BLOC1S6: variants seen among roughly 807,000 people sequenced by gnomAD.
BLOC1S6 encodes biogenesis of lysosome-related organelles complex 1 subunit 6.
In BLOC1S6, 24 loss-of-function variants were observed where a neutral mutation model predicts 24.7. The observed-to-expected ratio is 0.97, with a 90% CI of 0.70 to 1.37. The LOEUF is 1.37. Among genes scored for constraint, BLOC1S6 ranks in the 40% most tolerant of loss-of-function variants. The pLI is 0.00. For missense variants in BLOC1S6, 175 were observed against 196.2 expected, an observed-to-expected ratio of 0.89 and a Z score of 0.64; for synonymous variants, 76 against 72.6, an observed-to-expected ratio of 1.05 and a Z score of -0.23.
chr15:45,606,281 A>C lies in BLOC1S6; in HGVS notation c.400-114A>C, dbSNP rs1273518556. Reference sequence around the variant, plus strand: ...ATCCCAAATTTAAATGTCCAAGATGAAGTTTATTAGTGTGAATGAATTACC... The same window carrying C: ...ATCCCAAATTTAAATGTCCAAGATGCAGTTTATTAGTGTGAATGAATTACC... On this transcript the variant is annotated intron_variant, in intron 4 of 4. Coordinates refer to ENST00000220531, the MANE Select transcript of BLOC1S6 (RefSeq NM_012388.4). 4.3e-6 allele frequency: 6 copies of C among 1,399,922 alleles called. No homozygotes were observed. The East Asian group carries it at 1.4e-4, about 32-fold the overall frequency. 86.7% of individuals were successfully genotyped at this position (1,399,922 alleles called of 1,614,324 possible).
At chr15:45,604,193 A>T (rs1216370100) in intron 3 of BLOC1S6, among the ~76,000 whole-genome samples, 2 of 152,096 alleles carry the variant, frequency 1.3e-5, no homozygotes, top group Admixed American at 1.3e-4. Context: ...ACGTAGCAAG[A>T]CCCCATCTCT....
chr15:45,595,729 C>T (rs1178606873), intron 2 of BLOC1S6, among the ~76,000 whole-genome samples: 3 of 152,130 alleles, frequency 2.0e-5, no homozygotes, highest in African/African-American at 7.2e-5. Flanking sequence ...CCAAGGTCAC[C>T]TAGATTTTCT....
intron 3 of BLOC1S6, among the ~76,000 whole-genome samples, chr15:45,603,620 G>T (rs1894344193): frequency 6.6e-6 from 1 of 152,262 alleles, no homozygotes; most frequent in East Asian, 1.9e-4. Context: ...AAACTGAGGT[G>T]GAAGGATTGC....
chr15:45,603,167 A>G lies in BLOC1S6; in HGVS notation c.292A>G (p.Met98Val), dbSNP rs375030533. 3.8e-6 allele frequency: 6 copies of G among 1,598,776 alleles called. No individual in the cohort carries two copies. Among genetic ancestry groups the G allele is most frequent in the Admixed American group, 1.7e-5 (1 of 59,856 alleles). Residue 98 changes from methionine to valine, a missense_variant, in exon 3 of 5, where the codon ATG becomes GTG. Met to Val is a conservative substitution (Grantham distance 21). Transcript: ENST00000220531. ...EISKFKECHS[M>V]LDINALFAEA... ...TTCAAAATTTAAAGAATGTCATTCTATGTTGGATATTAATGCTTTGGTAAG... is the reference window on the plus strand; with the variant it reads ...TTCAAAATTTAAAGAATGTCATTCTGTGTTGGATATTAATGCTTTGGTAAG...
intron 2 of BLOC1S6, chr15:45,602,506 A>G (rs923683711): frequency 3.8e-6 from 2 of 525,692 alleles, no homozygotes; most frequent in African/African-American, 3.9e-5. Flanking sequence ...AACATTAGAA[A>G]TTATCTGGTC....
chr15:45,593,161 A>G (rs925573296), intron 2 of BLOC1S6, among the ~76,000 whole-genome samples: 2 of 152,064 alleles, frequency 1.3e-5, no homozygotes, highest in Non-Finnish European at 2.9e-5. Context: ...TGGGAGGCTG[A>G]GGCGGGCGGA....
At chr15:45,602,345 T>G (rs1004998892) in intron 2 of BLOC1S6, 1 of 684,446 alleles carries the variant, frequency 1.5e-6, no homozygotes, top group Non-Finnish European at 2.6e-6. Context: ...AATGACATAT[T>G]TTTCTTTGTA....
intron 1 of BLOC1S6, among the ~76,000 whole-genome samples, chr15:45,591,362 C>T (rs997063844): frequency 6.6e-6 from 1 of 152,170 alleles, no homozygotes; most frequent in Non-Finnish European, 1.5e-5. Flanking sequence ...CTTTTGAAAG[C>T]AAGAATGCTT....
intron 1 of BLOC1S6, chr15:45,587,926 G>A: frequency 1.7e-6 from 1 of 600,780 alleles, no homozygotes; most frequent in Non-Finnish European, 3.0e-6. Context: ...GGTCAGCTCG[G>A]TGATATTACT....
In BLOC1S6 at chr15:45,587,497, C is replaced by G; in HGVS notation, c.54C>G (p.Tyr18Ter). The change falls in exon 1 of 5, where the codon TAC becomes TAG. Residue 18 changes from tyrosine to a stop codon, truncating the protein, a stop_gained. Transcript: ENST00000220531. LOFTEE classifies it high-confidence loss of function. Reference sequence around the variant, plus strand: ...ACGGGGCCCTGACACGGCCACCCTACTGCCTGGAGGCCGGGGAGCCGACGC... The same window carrying G: ...ACGGGGCCCTGACACGGCCACCCTAGTGCCTGGAGGCCGGGGAGCCGACGC... Reference protein sequence around the residue: ...SPDGALTRPPYCLEAGEPTPG... With the variant: ...SPDGALTRPP 1 of 1,584,406 alleles carries G rather than the reference C, an allele frequency of 6.3e-7. No homozygotes were observed. The highest frequency in any genetic ancestry group is 1.7e-4 in the Middle Eastern group (1 of 5,972).
intron 2 of BLOC1S6, chr15:45,602,399 T>G (rs1894302905): frequency 3.0e-6 from 2 of 666,502 alleles, no homozygotes; most frequent in Non-Finnish European, 5.4e-6. Flanking sequence ...TTAATGTCAC[T>G]TATTCCTGTG....
At chr15:45,602,314 G>T in intron 2 of BLOC1S6, 1 of 661,518 alleles carries the variant, frequency 1.5e-6, no homozygotes, top group Non-Finnish European at 2.7e-6. Context: ...TTATTCTCTA[G>T]ATAGCACAGT....
intron 3 of BLOC1S6, 146 bp from the exon 4 acceptor site, chr15:45,605,282 T>C (rs1299103751): frequency 4.7e-6 from 3 of 632,812 alleles, no homozygotes; most frequent in East Asian, 5.7e-5. Flanking sequence ...GAAATCTTTA[T>C]TTTGGAATTA....
At chr15:45,606,357 A>T in intron 4 of BLOC1S6, 38 bp from the exon 5 acceptor site, 7 of 1,611,064 alleles carry the variant, frequency 4.3e-6, no homozygotes, top group South Asian at 1.1e-5. Context: ...GTAACCCCTG[A>T]TTGCTCTCTT....
rs1314497686 is a variant in BLOC1S6, at chr15:45,607,345, T to TTA, written c.*839_*840dup. Reference sequence around the variant, plus strand: ...CTGTGGCTTTTGGGTTCAAAGTAGATTATATATATTCCTAAAGCTTGGTGG... The same window carrying TTA: ...CTGTGGCTTTTGGGTTCAAAGTAGATTATATATATATTCCTAAAGCTTGGTGG... On this transcript the variant is annotated 3_prime_UTR_variant, in exon 5 of 5. Transcript: ENST00000220531. 1.3e-5 allele frequency: 2 copies of TTA among 152,230 alleles called. No individual in the cohort carries two copies. The highest frequency in any genetic ancestry group is 1.5e-5 in the Non-Finnish European group (1 of 68,084). 9.4% of individuals were successfully genotyped at this position (152,230 alleles called of 1,614,324 possible).
intron 1 of BLOC1S6, among the ~76,000 whole-genome samples, chr15:45,590,148 A>G (rs1217149275): frequency 2.6e-5 from 4 of 152,078 alleles, no homozygotes; most frequent in African/African-American, 9.7e-5. Context: ...CAGTTGGTAC[A>G]TTAATATCCC....
At chr15:45,595,631 A>G (rs1894043981) in intron 2 of BLOC1S6, among the ~76,000 whole-genome samples, 1 of 151,982 alleles carries the variant, frequency 6.6e-6, no homozygotes, top group Admixed American at 6.6e-5. Context: ...ATTTTAATAA[A>G]TTTATTTAAT....
chr15:45,603,240 T>G, intron 3 of BLOC1S6, 53 bp downstream of exon 3: 1 of 1,201,754 alleles, frequency 8.3e-7, no homozygotes, highest in Non-Finnish European at 1.2e-6. Flanking sequence ...TAGCAATAGC[T>G]AAGACTTAGC....
rs2140922200 is a variant in BLOC1S6 at position 45,607,747 on chromosome 15, T to A, written c.*1233T>A. On this transcript the variant is annotated 3_prime_UTR_variant, in exon 5 of 5. Coordinates refer to ENST00000220531, the MANE Select transcript of BLOC1S6 (RefSeq NM_012388.4). ...AAGATCGTGCCACTGCACTCCAGCCTTGGTGACAGAGCAAGACTCCGTCTC... is the reference window on the plus strand; with the variant it reads ...AAGATCGTGCCACTGCACTCCAGCCATGGTGACAGAGCAAGACTCCGTCTC... The A allele has an allele frequency of 6.6e-6, 1 of 152,282 alleles. No individual in the cohort carries two copies. Among genetic ancestry groups the A allele is most frequent in the South Asian group, 2.1e-4 (1 of 4,824 alleles). 9.4% of individuals were successfully genotyped at this position (152,282 alleles called of 1,614,324 possible). A position where few individuals can be genotyped will look rare whatever the true frequency, so the allele number is the denominator to read the frequency against.
Sources: gnomAD v4.1 joint callset for allele counts (sites outside exome capture counted in the v4.1 genomes callset) on GRCh38, gnomAD v4.1.1 for gene constraint, MANE v1.5 for transcripts, NCBI Gene and HGNC (gene_info 2026-07-23, HGNC 2026-07-21) for gene names.